Variants in TAMM41 observed in about 807,000 individuals in gnomAD.
TAMM41 encodes phosphatidate cytidylyltransferase, mitochondrial.
TAMM41 carries 36 observed loss-of-function variants against 44.1 expected under a neutral mutation model. The observed-to-expected ratio is 0.82, with a 90% CI of 0.63 to 1.08. The LOEUF is 1.08. Ranked by LOEUF, TAMM41 falls within the 50% of genes least tolerant of loss-of-function variation. The pLI is 0.00. For missense variants in TAMM41, 417 were observed against 404.3 expected (o/e 1.03, Z -0.27); for synonymous variants, 164 against 153.1 (o/e 1.07, Z -0.53).
chr3:11,835,776 G>A (rs2079147562), intron 3 of TAMM41, among the ~76,000 whole-genome samples: 1 of 152,180 alleles, frequency 6.6e-6, no homozygotes, highest in African/African-American at 2.4e-5. Flanking sequence ...TTTTCTGAGT[G>A]TCTACTAAGT....
chr3:11,786,777 G>A (rs958295016), downstream of TAMM41, among the ~76,000 whole-genome samples: 1 of 151,962 alleles, frequency 6.6e-6, no homozygotes, highest in African/African-American at 2.4e-5. Context: ...TTTTTGTAGA[G>A]ATGCGGAAGT....
At chr3:11,837,712 G>T (rs1331709436) in intron 3 of TAMM41, among the ~76,000 whole-genome samples, 1 of 152,216 alleles carries the variant, frequency 6.6e-6, no homozygotes, top group Non-Finnish European at 1.5e-5. Context: ...CTGCCCTTGG[G>T]ACGCATCAGT....
At chr3:11,730,483 C>T in the TAMM41 span, among the ~76,000 whole-genome samples, 1 of 150,884 alleles carries the variant, frequency 6.6e-6, no homozygotes, top group South Asian at 2.1e-4. Context: ...GCCTGTAATC[C>T]CAACATTTTG....
At chr3:11,819,980 G>C (rs1363054728) in intron 4 of TAMM41, among the ~76,000 whole-genome samples, 1 of 152,020 alleles carries the variant, frequency 6.6e-6, no homozygotes, top group Non-Finnish European at 1.5e-5. Flanking sequence ...AGGTCCAACT[G>C]CCTCTCGGTA....
the TAMM41 span, among the ~76,000 whole-genome samples, chr3:11,728,666 AGCT>A: frequency 6.6e-6 from 1 of 152,154 alleles, no homozygotes; most frequent in East Asian, 1.9e-4. Context: ...TTAGTCGAAG[AGCT>A]GTGATTGAGG....
the TAMM41 span, among the ~76,000 whole-genome samples, chr3:11,766,821 C>T: frequency 2.0e-5 from 3 of 151,904 alleles, no homozygotes; most frequent in Non-Finnish European, 4.4e-5. Context: ...CTTTCTGCCT[C>T]GACCTCCTAA....
rs925320615 is a variant in TAMM41 at position 11,846,841 on chromosome 3, C to G, written c.-205G>C. On this transcript the variant is annotated 5_prime_UTR_variant, in exon 1 of 8. Coordinates refer to ENST00000455809, the MANE Select transcript of TAMM41 (RefSeq NM_001284401.2). ...AGAGCAGCGGCGAGAAGACGCAGCC[C>G]AGATAGGCTCGGGTGGGCGGCGGTC... is the stretch of plus-strand genomic sequence containing the variant. 1.6e-6 allele frequency: 1 copy of G among 628,804 alleles called. No individual in the cohort carries two copies. The highest frequency in any genetic ancestry group is 3.0e-5 in the Admixed American group (1 of 33,718). 39.0% of individuals were successfully genotyped at this position (628,804 alleles called of 1,614,324 possible).
At chr3:11,786,283 AAT>A (rs369028057), downstream of TAMM41, among the ~76,000 whole-genome samples, 2,171 of 126,322 alleles carry the variant, frequency 0.017, 14 homozygotes, top group Middle Eastern at 0.035. Context: ...TTATTTATTT[AAT>A]TTTATTATTA....
At chr3:11,773,318 TAA>T in the TAMM41 span, among the ~76,000 whole-genome samples, 1 of 146,072 alleles carries the variant, frequency 6.8e-6, no homozygotes. Context: ...TTGATTTGCT[TAA>T]AAAAAAAAAA....
At chr3:11,792,827 C>T (rs781426840) in intron 7 of TAMM41, among the ~76,000 whole-genome samples, 1 of 151,950 alleles carries the variant, frequency 6.6e-6, no homozygotes, top group Non-Finnish European at 1.5e-5. Flanking sequence ...TTAGGGAGGC[C>T]GAGGCGGGCA....
chr3:11,725,403 C>CT, the TAMM41 span, among the ~76,000 whole-genome samples: 2,314 of 129,498 alleles, frequency 0.018, 40 homozygotes, highest in Middle Eastern at 0.034. Context: ...TTTCTTCTTC[C>CT]TCTTCTTCTT....
the TAMM41 span, among the ~76,000 whole-genome samples, chr3:11,749,997 T>C: frequency 2.6e-5 from 4 of 151,638 alleles, no homozygotes; most frequent in South Asian, 2.1e-4. Context: ...TCCCGGTTCA[T>C]GTTATTCTCC....
chr3:11,780,910 C>T, the TAMM41 span, among the ~76,000 whole-genome samples: 9 of 152,316 alleles, frequency 5.9e-5, no homozygotes, highest in African/African-American at 1.9e-4. Context: ...CTTCTGTTCA[C>T]AGCATTGATC....
the TAMM41 span, among the ~76,000 whole-genome samples, chr3:11,778,213 T>C: frequency 3.3e-5 from 5 of 152,106 alleles, no homozygotes; most frequent in Non-Finnish European, 7.4e-5. Context: ...CTCGGTTATA[T>C]GAGAACTCTA....
chr3:11,780,850 C>T, the TAMM41 span, among the ~76,000 whole-genome samples: 1 of 152,126 alleles, frequency 6.6e-6, no homozygotes, highest in Admixed American at 6.6e-5. Flanking sequence ...ATGCAGAGGG[C>T]ATTTATGAAA....
At chr3:11,785,657 C>T (rs1290326170), downstream of TAMM41, among the ~76,000 whole-genome samples, 1 of 152,038 alleles carries the variant, frequency 6.6e-6, no homozygotes, top group East Asian at 1.9e-4. Flanking sequence ...CTCTCTCACC[C>T]AGGCTGGCGT....
chr3:11,745,051 T>C, the TAMM41 span, among the ~76,000 whole-genome samples: 51,499 of 152,006 alleles, frequency 0.34, 9,743 homozygotes, highest in African/African-American at 0.51. Context: ...TTAGTAGAGA[T>C]GGGGTTGCAC....
chr3:11,729,353 A>C, the TAMM41 span, among the ~76,000 whole-genome samples: 1 of 151,940 alleles, frequency 6.6e-6, no homozygotes, highest in Non-Finnish European at 1.5e-5. Context: ...ATTCAAGGCC[A>C]GTCAGAATTT....
Position 11,790,509 on chromosome 3 carries a change from G to A in TAMM41, c.1010C>T (p.Ser337Phe), listed in dbSNP as rs1461569215. ...CATATATAAAAGCAAGCAAAATCAG[G>A]ATGTTTTCCTCAGCCACCCTTTCCA... Reference protein sequence around the residue: ...KMWKGWLRKTS With the variant: ...KMWKGWLRKTF Residue 337 changes from serine to phenylalanine, a missense_variant, in exon 8 of 8, where the codon TCC becomes TTC. Ser to Phe is a radical substitution (Grantham distance 155, BLOSUM62 -2). Transcript: ENST00000455809. 6.2e-7 allele frequency: 1 copy of A among 1,613,684 alleles called. No homozygotes were observed. Among genetic ancestry groups the A allele is most frequent in the African/African-American group, 1.3e-5 (1 of 74,916 alleles).
Sources: gnomAD v4.1 joint callset for allele counts (sites outside exome capture counted in the v4.1 genomes callset) on GRCh38, gnomAD v4.1.1 for gene constraint, MANE v1.5 for transcripts, NCBI Gene and HGNC (gene_info 2026-07-23, HGNC 2026-07-21) for gene names.